CUX1: variants seen among roughly 807,000 people sequenced by gnomAD.
CUX1 encodes the protein protein CASP.
A neutral mutation model predicts 158.8 loss-of-function variants in CUX1; 31 were observed. The ratio of observed to expected loss-of-function variants is 0.20; its 90% confidence interval spans 0.15 to 0.26. The LOEUF (loss-of-function observed/expected upper bound fraction) is 0.26. Ranked by LOEUF, CUX1 falls within the 10% of genes least tolerant of loss-of-function variation. The pLI, the probability that CUX1 is intolerant of heterozygous loss-of-function variation, is 1.00. For missense variants in CUX1, 1,589 were observed against 2,014.6 expected (o/e 0.79, Z 4.04); for synonymous variants, 879 against 862.1 (o/e 1.02, Z -0.34).
intron 23 of CUX1, among the ~76,000 whole-genome samples, chr7:102,240,362 G>C (rs575721411): frequency 1.2e-4 from 18 of 152,074 alleles, no homozygotes; most frequent in Non-Finnish European, 2.4e-4. Flanking sequence ...TGGAACTCCT[G>C]GGCTCAGGCA....
intron 1 of CUX1, among the ~76,000 whole-genome samples, chr7:101,870,064 C>T (rs1388682172): frequency 3.3e-5 from 5 of 151,704 alleles, no homozygotes; most frequent in Non-Finnish European, 5.9e-5. Context: ...GCTTTCCATC[C>T]GGTGTCTTCA....
intron 4 of CUX1, among the ~76,000 whole-genome samples, chr7:102,091,246 G>A (rs1411545261): frequency 4.6e-5 from 7 of 152,218 alleles, no homozygotes; most frequent in African/African-American, 1.7e-4. Context: ...CTGTCAAGCG[G>A]CATGTTACTG....
intron 1 of CUX1, among the ~76,000 whole-genome samples, chr7:101,851,514 A>G (rs1266586121): frequency 2.0e-5 from 3 of 152,180 alleles, no homozygotes; most frequent in Non-Finnish European, 4.4e-5. Flanking sequence ...GATGGTGACC[A>G]TATCTGCGAT....
chr7:101,884,422 T>A (rs1800021157), intron 1 of CUX1, among the ~76,000 whole-genome samples: 1 of 152,222 alleles, frequency 6.6e-6, no homozygotes, highest in South Asian at 2.1e-4. Flanking sequence ...ATTGCTGTAG[T>A]ACTCATTTTT....
At chr7:101,951,176 A>G (rs1474115415) in intron 2 of CUX1, among the ~76,000 whole-genome samples, 2 of 152,090 alleles carry the variant, frequency 1.3e-5, no homozygotes, top group Non-Finnish European at 2.9e-5. Flanking sequence ...CTAAAAATAC[A>G]AAAAATAAGC....
intron 3 of CUX1, among the ~76,000 whole-genome samples, chr7:102,060,608 A>AACAC (rs58786987): frequency 0.068 from 9,118 of 133,166 alleles, 334 homozygotes; most frequent in African/African-American, 0.1. Context: ...CACACAAATA[A>AACAC]ACACACACAC....
chr7:102,084,298 T>G (rs562715558), intron 4 of CUX1, among the ~76,000 whole-genome samples: 8 of 148,638 alleles, frequency 5.4e-5, no homozygotes, highest in Admixed American at 5.4e-4. Flanking sequence ...AAATATATAT[T>G]TTATATTATG....
chr7:101,926,227 A>G (rs1805575738), intron 2 of CUX1, among the ~76,000 whole-genome samples: 2 of 152,214 alleles, frequency 1.3e-5, no homozygotes, highest in Non-Finnish European at 2.9e-5. Context: ...TAAGCCTTTA[A>G]CTAGAAAAAG....
At chr7:102,126,177 C>CTGTGTGTGTGTG (rs3988138) in intron 8 of CUX1, among the ~76,000 whole-genome samples, 2,294 of 135,512 alleles carry the variant, frequency 0.017, 28 homozygotes, top group South Asian at 0.025. Context: ...CCATTTCCGG[C>CTGTGTGTGTGTG]TGTGTGTGTG....
chr7:102,111,656 T>C lies in CUX1; in HGVS notation c.531-42T>C, dbSNP rs554230501. On this transcript the variant is annotated intron_variant, in intron 6 of 23. Coordinates refer to ENST00000292535, the MANE Select transcript of CUX1 (RefSeq NM_181552.4). The stretch of plus-strand genomic sequence containing the variant: ...AAAGGCACACGTGCATTTCAGTTGG[T>C]AAAGGAGATGACCAATTTGGCTTCG... The C allele has an allele frequency of 1.9e-6, 3 of 1,585,838 alleles. No homozygotes were observed. The Admixed American group carries it at 5.0e-5, about 26-fold the overall frequency.
chr7:101,963,330 A>T (rs1449315034), intron 2 of CUX1, among the ~76,000 whole-genome samples: 2 of 151,738 alleles, frequency 1.3e-5, no homozygotes, highest in Non-Finnish European at 2.9e-5. Context: ...CCATCCGTCC[A>T]CTCCTGTATT....
chr7:102,111,586 GCGCCTGCCGC>G, intron 6 of CUX1, 102 bp from the exon 7 acceptor site: 1 of 961,418 alleles, frequency 1.0e-6, no homozygotes, highest in Non-Finnish European at 1.7e-6. Flanking sequence ...ACCCCGTGGT[GCGCCTGCCGC>G]CAGCTGAGCG....
intron 17 of CUX1, among the ~76,000 whole-genome samples, chr7:102,276,879 G>A (rs868928236): frequency 1.3e-4 from 20 of 152,046 alleles, no homozygotes; most frequent in Non-Finnish European, 2.6e-4. Context: ...TAGGTAGTGG[G>A]GATGGTTGCA....
intron 11 of CUX1, among the ~76,000 whole-genome samples, chr7:102,182,466 A>G (rs1586090344): frequency 6.6e-6 from 1 of 152,196 alleles, no homozygotes; most frequent in African/African-American, 2.4e-5. Context: ...TTATTTCACA[A>G]GGATACCAGA....
At chr7:101,900,025 A>G (rs1801967056) in intron 1 of CUX1, among the ~76,000 whole-genome samples, 1 of 152,208 alleles carries the variant, frequency 6.6e-6, no homozygotes, top group Non-Finnish European at 1.5e-5. Flanking sequence ...AGTCTAAGTT[A>G]AAGAGCCCCT....
chr7:101,975,801 T>C (rs1199847466), intron 2 of CUX1, among the ~76,000 whole-genome samples: 1 of 152,214 alleles, frequency 6.6e-6, no homozygotes, highest in Non-Finnish European at 1.5e-5. Flanking sequence ...CCTTTGTTTA[T>C]TTTGGTTGGT....
At chr7:102,060,296 T>C (rs1307105203) in intron 3 of CUX1, among the ~76,000 whole-genome samples, 1 of 151,680 alleles carries the variant, frequency 6.6e-6, no homozygotes, top group Non-Finnish European at 1.5e-5. Flanking sequence ...AAAATGTTGC[T>C]TAGGGTCCTG....
At chr7:102,192,414 G>T (rs538012674) in intron 12 of CUX1, among the ~76,000 whole-genome samples, 2 of 152,124 alleles carry the variant, frequency 1.3e-5, no homozygotes, top group African/African-American at 4.8e-5. Flanking sequence ...GATTCCCCAC[G>T]GCAACAAGCG....
At chr7:101,996,053 A>T (rs1206233714) in intron 2 of CUX1, among the ~76,000 whole-genome samples, 1 of 151,896 alleles carries the variant, frequency 6.6e-6, no homozygotes, top group African/African-American at 2.4e-5. Flanking sequence ...CGGAGATTGC[A>T]TGAGATGAGA....
Sources: allele counts gnomAD v4.1 joint callset (sites outside exome capture counted in the v4.1 genomes callset), GRCh38; gene constraint gnomAD v4.1.1; transcripts MANE v1.5; gene names NCBI Gene and HGNC (gene_info 2026-07-23, HGNC 2026-07-21).